The following TBL1X variants were observed in gnomAD, a reference collection of about 807,000 sequenced individuals.
TBL1X encodes transducin beta like 1 X-linked.
TBL1X carries 10 observed loss-of-function variants against 50.7 expected under a neutral mutation model. The observed-to-expected ratio is 0.20, with a 90% CI of 0.12 to 0.33. The LOEUF (loss-of-function observed/expected upper bound fraction) is 0.33. Among genes scored for constraint, TBL1X ranks in the 10% least tolerant of loss-of-function variants. The pLI is 1.00. For missense variants in TBL1X, 340 were observed against 504.4 expected (o/e 0.67, Z 3.12); for synonymous variants, 190 against 214.7 (o/e 0.88, Z 1.01).
intron 2 of TBL1X, among the ~76,000 whole-genome samples, chrX:9,559,377 G>A (rs1359446044): frequency 9.0e-6 from 1 of 111,456 alleles, no homozygotes; most frequent in Non-Finnish European, 1.9e-5. Flanking sequence ...TGATGGTGCT[G>A]TGGCTTTTTG....
intron 5 of TBL1X, among the ~76,000 whole-genome samples, chrX:9,681,379 G>A (rs1411443667): frequency 1.8e-5 from 2 of 112,241 alleles, no homozygotes; most frequent in African/African-American, 3.2e-5. Flanking sequence ...TTAGTTCAGC[G>A]TCATATCACA....
chrX:9,682,982 G>A (rs529937219), intron 5 of TBL1X, among the ~76,000 whole-genome samples: 39 of 111,606 alleles, frequency 3.5e-4, no homozygotes, highest in African/African-American at 1.3e-3. Flanking sequence ...TTCCTCACAC[G>A]AGATCCCCCC....
At chrX:9,586,755 C>T (rs1471728005) in intron 2 of TBL1X, among the ~76,000 whole-genome samples, 1 of 111,270 alleles carries the variant, frequency 9.0e-6, no homozygotes, top group Non-Finnish European at 1.9e-5. Flanking sequence ...TTAAAATTAG[C>T]CAGGCATGGT....
intron 4 of TBL1X, among the ~76,000 whole-genome samples, chrX:9,653,998 A>G (rs1459522050): frequency 1.8e-5 from 2 of 110,922 alleles, no homozygotes; most frequent in Non-Finnish European, 1.9e-5. Flanking sequence ...AAATAGGCCA[A>G]CTCTTGTTTT....
At chrX:9,605,832 G>T (rs2082580193) in intron 2 of TBL1X, among the ~76,000 whole-genome samples, 1 of 112,251 alleles carries the variant, frequency 8.9e-6, no homozygotes, top group Non-Finnish European at 1.9e-5. Context: ...ATAATTATTG[G>T]CTTGGAGGGG....
At chrX:9,501,065 C>A (rs1004086364) in intron 1 of TBL1X, among the ~76,000 whole-genome samples, 1 of 111,498 alleles carries the variant, frequency 9.0e-6, no homozygotes, top group Non-Finnish European at 1.9e-5. Context: ...CCCCAATCCT[C>A]TTTCATTTTC....
intron 12 of TBL1X, among the ~76,000 whole-genome samples, chrX:9,702,127 C>T (rs1184941644): frequency 2.7e-5 from 3 of 111,327 alleles, no homozygotes; most frequent in East Asian, 2.8e-4. Context: ...CTCAGTTCAG[C>T]GCTGACTGCC....
chrX:9,625,936 G>C (rs1022048510), intron 2 of TBL1X, among the ~76,000 whole-genome samples: 3 of 111,693 alleles, frequency 2.7e-5, no homozygotes, highest in Non-Finnish European at 3.8e-5. Flanking sequence ...ACCCTTTTTT[G>C]GTTGTTTTTA....
At chrX:9,593,124 G>A (rs961047031) in intron 2 of TBL1X, among the ~76,000 whole-genome samples, 2 of 111,417 alleles carry the variant, frequency 1.8e-5, no homozygotes, top group Non-Finnish European at 3.8e-5. Context: ...ACCTGGGGTC[G>A]GGCGCGGTGG....
intron 5 of TBL1X, among the ~76,000 whole-genome samples, chrX:9,655,355 G>A (rs1222051220): frequency 9.0e-6 from 1 of 111,095 alleles, no homozygotes; most frequent in East Asian, 2.8e-4. Context: ...TCCTTGGCTC[G>A]TAGGCACATC....
intron 8 of TBL1X, 79 bp downstream of exon 8, chrX:9,691,790 G>A: frequency 8.7e-7 from 1 of 1,149,804 alleles, no homozygotes; most frequent in South Asian, 2.0e-5. Context: ...CTGGAGTTCT[G>A]CCTAAAGGAA....
chrX:9,520,560 C>G (rs919512713), intron 2 of TBL1X, among the ~76,000 whole-genome samples: 2 of 111,366 alleles, frequency 1.8e-5, no homozygotes, highest in African/African-American at 6.5e-5. Flanking sequence ...CAGAGGTGTC[C>G]TTGGCACATA....
intron 7 of TBL1X, among the ~76,000 whole-genome samples, chrX:9,689,541 C>A (rs1342607989): frequency 8.9e-6 from 1 of 111,997 alleles, no homozygotes; most frequent in Non-Finnish European, 1.9e-5. Context: ...TCTGGCCCTC[C>A]TCCTCTGTGC....
chrX:9,499,836 C>T (rs1024144153), intron 1 of TBL1X, among the ~76,000 whole-genome samples: 5 of 109,807 alleles, frequency 4.6e-5, no homozygotes, highest in African/African-American at 6.6e-5. Flanking sequence ...ATTAGCCGGA[C>T]GTGGTGGCAG....
rs1390628565 is a variant in TBL1X, at chrX:9,653,787, A to G, written c.103+98A>G. ...TCGGTCACCTCTCCATGTGTCCAGA[A>G]AAGTGCTCAGTGTTGAATCCCTCCA... On this transcript the variant is annotated intron_variant, in intron 4 of 17. Transcript: ENST00000645353. 3 of 799,975 alleles carry G rather than the reference A, an allele frequency of 3.8e-6. No individual in the cohort carries two copies. The East Asian group carries it at 1.0e-4, about 28-fold the overall frequency. 65.9% of individuals were successfully genotyped at this position (799,975 alleles called of 1,213,427 possible).
At chrX:9,609,336 G>GGTGTGT (rs775969638) in intron 2 of TBL1X, among the ~76,000 whole-genome samples, 7,309 of 94,604 alleles carry the variant, frequency 0.077, 305 homozygotes, top group African/African-American at 0.096. Context: ...TTTTCTTCCA[G>GGTGTGT]GTGTGTGTGT....
At chrX:9,553,747 GT>G (rs2082281944) in intron 2 of TBL1X, among the ~76,000 whole-genome samples, 1 of 111,944 alleles carries the variant, frequency 8.9e-6, no homozygotes. Flanking sequence ...GTTGACTGTG[GT>G]TTTTTGAAGA....
intron 2 of TBL1X, among the ~76,000 whole-genome samples, chrX:9,622,185 CACATA>C (rs1569078098): frequency 9.1e-6 from 1 of 110,015 alleles, no homozygotes; most frequent in Non-Finnish European, 1.9e-5. Flanking sequence ...TGGTAAAATG[CACATA>C]ACATTACATT....
At chrX:9,617,523 T>C (rs375897317) in intron 2 of TBL1X, among the ~76,000 whole-genome samples, 2 of 112,635 alleles carry the variant, frequency 1.8e-5, no homozygotes, top group East Asian at 5.5e-4. Flanking sequence ...CCAAATGGCA[T>C]AGCTACAGTG....
Sources: allele counts gnomAD v4.1 joint callset (sites outside exome capture counted in the v4.1 genomes callset), GRCh38; gene constraint gnomAD v4.1.1; transcripts MANE v1.5; gene names NCBI Gene and HGNC (gene_info 2026-07-23, HGNC 2026-07-21).